The following FOXN3 variants were observed in gnomAD, a reference collection of about 807,000 sequenced individuals.
The protein encoded by FOXN3 is forkhead box protein N3.
A neutral mutation model predicts 38.4 loss-of-function variants in FOXN3; 7 were observed. The observed-to-expected ratio is 0.18, with a 90% CI of 0.10 to 0.34. The LOEUF is 0.34. Among genes scored for constraint, FOXN3 ranks in the 10% least tolerant of loss-of-function variants. The pLI is 1.00. For synonymous variants in FOXN3, 230 were observed against 242.2 expected, an observed-to-expected ratio of 0.95 and a Z score of 0.47; for missense variants, 456 against 613.4, an observed-to-expected ratio of 0.74 and a Z score of 2.71.
At chr14:89,439,805 G>A (rs938631253) in intron 1 of FOXN3, among the ~76,000 whole-genome samples, 7 of 148,922 alleles carry the variant, frequency 4.7e-5, no homozygotes, top group South Asian at 2.2e-4. Flanking sequence ...ACAGGCGCCC[G>A]CCACCACGCC....
chr14:89,278,681 G>A (rs1480446239), intron 4 of FOXN3, among the ~76,000 whole-genome samples: 1 of 152,146 alleles, frequency 6.6e-6, no homozygotes, highest in African/African-American at 2.4e-5. Context: ...CGTTCTACTT[G>A]CCCTCAATTC....
chr14:89,494,780 A>G (rs1222984198), intron 1 of FOXN3, among the ~76,000 whole-genome samples: 1 of 152,216 alleles, frequency 6.6e-6, no homozygotes, highest in African/African-American at 2.4e-5. Context: ...AAAAGCATAA[A>G]CCCTTAACAA....
intron 3 of FOXN3, among the ~76,000 whole-genome samples, chr14:89,327,240 TAAG>T (rs1481409549): frequency 6.6e-6 from 1 of 152,168 alleles, no homozygotes; most frequent in Non-Finnish European, 1.5e-5. Flanking sequence ...AGAAGTACAC[TAAG>T]GAGAGAAGAA....
intron 1 of FOXN3, among the ~76,000 whole-genome samples, chr14:89,597,812 G>A (rs1485970765): frequency 3.3e-5 from 5 of 151,996 alleles, no homozygotes; most frequent in Admixed American, 2.0e-4. Flanking sequence ...CCTTCTGTAC[G>A]TTTATAAGAA....
At chr14:89,204,983 T>TAAGTTTTCCACCTAACA (rs370728592) in intron 4 of FOXN3, among the ~76,000 whole-genome samples, 9 of 148,546 alleles carry the variant, frequency 6.1e-5, no homozygotes, top group Admixed American at 2.0e-4. Context: ...ATAAAAGAAT[T>TAAGTTTTCCACCTAACA]ATAGTGCAAG....
intron 2 of FOXN3, among the ~76,000 whole-genome samples, chr14:89,360,767 T>TACCACCTCCACCACCACCTCCACC (rs1342807566): frequency 3.4e-4 from 6 of 17,810 alleles, no homozygotes; most frequent in Non-Finnish European, 2.9e-4. Context: ...CCTCCACCAC[T>TACCACCTCCACCACCACCTCCACC]ACCACCTCCA....
At chr14:89,320,729 G>T (rs1452215252) in intron 3 of FOXN3, among the ~76,000 whole-genome samples, 1 of 152,200 alleles carries the variant, frequency 6.6e-6, no homozygotes, top group South Asian at 2.1e-4. Context: ...CTGATAGCAT[G>T]AGGAAGGAGA....
intron 3 of FOXN3, among the ~76,000 whole-genome samples, chr14:89,324,896 G>A (rs1347065907): frequency 2.6e-5 from 4 of 152,130 alleles, no homozygotes; most frequent in Non-Finnish European, 4.4e-5. Context: ...CTGGGGTGAC[G>A]TCTGAGATTC....
Position 89,162,337 on chromosome 14 carries a change from T to G in FOXN3, c.*77A>C. 2 of 1,230,620 alleles carry G rather than the reference T, an allele frequency of 1.6e-6. No individual in the cohort carries two copies. Among genetic ancestry groups the G allele is most frequent in the Non-Finnish European group, 2.2e-6 (2 of 908,118 alleles). The allele number at this position is 1,230,620 out of a possible 1,614,324, so 76.2% of individuals were successfully genotyped here. The stretch of plus-strand genomic sequence containing the variant: ...AAAAAAGAAAAAAAATTGCTGATAT[T>G]GCCACAAATCATTAGAAATCTCCTG... On this transcript the variant is annotated 3_prime_UTR_variant, in exon 6 of 6. Coordinates refer to ENST00000557258, the MANE Select transcript of FOXN3 (RefSeq NM_005197.4). The surrounding 1 kb of genome is among the most constrained non-coding windows in gnomAD (Gnocchi z 7.2).
Position 89,158,295 on chromosome 14 carries a change from C to G in FOXN3, c.*4119G>C, listed in dbSNP as rs1887023330. The G allele has an allele frequency of 6.6e-6, 1 of 152,324 alleles. No homozygotes were observed. Among genetic ancestry groups the G allele is most frequent in the African/African-American group, 2.4e-5 (1 of 41,464 alleles). The allele number at this position is 152,324 out of a possible 1,614,324, so 9.4% of individuals were successfully genotyped here. A position where few individuals can be genotyped will look rare whatever the true frequency, so the allele number is the denominator to read the frequency against. ...CAGAGCCCACTGCCTGATGCTGTCC[C>G]TCAGGCAGGAGCCTCCTTCAACACA... On this transcript the variant is annotated 3_prime_UTR_variant, in exon 6 of 6. Coordinates refer to ENST00000557258, the MANE Select transcript of FOXN3 (RefSeq NM_005197.4).
intron 2 of FOXN3, among the ~76,000 whole-genome samples, chr14:89,363,786 G>A (rs1941682979): frequency 6.6e-6 from 1 of 151,708 alleles, no homozygotes; most frequent in Non-Finnish European, 1.5e-5. Flanking sequence ...TTCAAAATAT[G>A]TAAGGAAGGA....
chr14:89,289,426 A>G (rs1395017523), intron 3 of FOXN3, among the ~76,000 whole-genome samples: 1 of 152,154 alleles, frequency 6.6e-6, no homozygotes, highest in Non-Finnish European at 1.5e-5. Flanking sequence ...GACATTTAAC[A>G]TGTTCAAAAT....
intron 1 of FOXN3, among the ~76,000 whole-genome samples, chr14:89,549,045 G>A (rs1190264999): frequency 6.6e-6 from 1 of 151,858 alleles, no homozygotes; most frequent in Non-Finnish European, 1.5e-5. Context: ...CTTGAACCTG[G>A]GAGGCGGAGG....
chr14:89,209,287 G>A (rs1459309837), intron 4 of FOXN3, among the ~76,000 whole-genome samples: 1 of 152,154 alleles, frequency 6.6e-6, no homozygotes, highest in African/African-American at 2.4e-5. Flanking sequence ...TACGTATTAG[G>A]AGCTTCTGCT....
intron 1 of FOXN3, chr14:89,576,601 C>G (rs1895627165): frequency 6.6e-6 from 1 of 151,690 alleles, no homozygotes; most frequent in South Asian, 2.1e-4. Context: ...AAAATACCAT[C>G]AGATTAGAAG....
At chr14:89,544,190 T>C (rs896903366) in intron 1 of FOXN3, among the ~76,000 whole-genome samples, 26 of 151,992 alleles carry the variant, frequency 1.7e-4, no homozygotes, top group African/African-American at 5.8e-4. Flanking sequence ...TACAGGTGCC[T>C]GCTACCACGC....
chr14:89,415,941 G>A (rs908819205), intron 1 of FOXN3, among the ~76,000 whole-genome samples: 1 of 151,394 alleles, frequency 6.6e-6, no homozygotes, highest in African/African-American at 2.4e-5. Context: ...TTTTTTAACG[G>A]AGAAAATGCG....
chr14:89,162,674 G>A lies in FOXN3; in HGVS notation c.1147C>T (p.Pro383Ser). ...EDDRKHSQKE[P>S]KDSLGDSGYA... ...CCGCTGTCCCCCAGAGAATCCTTGGGCTCCTTCTGGCTGTGCTTCCTGTCG... is the reference window on the plus strand; with the variant it reads ...CCGCTGTCCCCCAGAGAATCCTTGGACTCCTTCTGGCTGTGCTTCCTGTCG... Residue 383 changes from proline (P) to serine (S), a missense_variant, in exon 6 of 6, where the codon CCC (proline) becomes TCC (serine). Pro to Ser is a moderately conservative substitution (Grantham distance 74). Around this residue, in one of 3 missense-constraint regions of FOXN3, gnomAD observed 386 missense variants for 505.2 expected, o/e 0.76. Transcript: ENST00000557258. This position sits in a 1 kb window ranked among gnomAD's most constrained non-coding sequence, Gnocchi z 7.2. 6.2e-7 allele frequency: 1 copy of A among 1,613,988 alleles called. No homozygotes were observed. The highest frequency in any genetic ancestry group is 8.5e-7 in the Non-Finnish European group (1 of 1,179,976).
At chr14:89,333,567 C>G (rs1399355373) in intron 3 of FOXN3, among the ~76,000 whole-genome samples, 1 of 151,772 alleles carries the variant, frequency 6.6e-6, no homozygotes, top group Non-Finnish European at 1.5e-5. Context: ...CGAGACCAGC[C>G]TGGCCAACAT....
Sources: gnomAD v4.1 joint callset for allele counts (sites outside exome capture counted in the v4.1 genomes callset) on GRCh38, gnomAD v4.1.1 for gene constraint, gnomAD v4.1.1 regional missense constraint, Gnocchi (gnomAD v3.1) non-coding constraint, MANE v1.5 for transcripts, NCBI Gene and HGNC (gene_info 2026-07-23, HGNC 2026-07-21) for gene names.